ZFHX3: variants seen among roughly 807,000 people sequenced by gnomAD.
The protein encoded by ZFHX3 is zinc finger homeobox protein 3.
Under a neutral mutation model 279.1 loss-of-function variants are expected in ZFHX3, and 42 were observed. That is an observed-to-expected ratio of 0.15 (90% confidence interval 0.12 to 0.19). The LOEUF (loss-of-function observed/expected upper bound fraction) is 0.19. Among genes scored for constraint, ZFHX3 ranks in the 10% least tolerant of loss-of-function variants. The pLI, the probability that ZFHX3 is intolerant of heterozygous loss-of-function variation, is 1.00. For synonymous variants in ZFHX3, 2,293 were observed against 1,957.8 expected (o/e 1.17, Z -4.52); for missense variants, 4,981 against 4,754.0 (o/e 1.05, Z -1.40).
At chr16:72,924,500 A>G (rs894721390) in intron 3 of ZFHX3, among the ~76,000 whole-genome samples, 1 of 152,168 alleles carries the variant, frequency 6.6e-6, no homozygotes, top group Non-Finnish European at 1.5e-5. Context: ...GTTTTGACAT[A>G]AGTTGTTTCA....
intron 2 of ZFHX3, among the ~76,000 whole-genome samples, chr16:73,562,284 G>T (rs1185975153): frequency 3.3e-5 from 5 of 152,134 alleles, no homozygotes; most frequent in African/African-American, 1.2e-4. Context: ...GGCCACAGTG[G>T]TGTGTCCATC....
At chr16:73,574,031 T>C (rs553137562) in intron 2 of ZFHX3, among the ~76,000 whole-genome samples, 4 of 152,282 alleles carry the variant, frequency 2.6e-5, no homozygotes, top group Admixed American at 2.0e-4. Flanking sequence ...TTTGAAATAA[T>C]GCCAGCTTTG....
At chr16:73,366,492 G>C (rs1462064829) in intron 3 of ZFHX3, among the ~76,000 whole-genome samples, 1 of 151,860 alleles carries the variant, frequency 6.6e-6, no homozygotes, top group African/African-American at 2.4e-5. Context: ...AGTAGTTTGG[G>C]AGGCTGAGGC....
At chr16:72,843,575 A>G (rs2037402650) in intron 4 of ZFHX3, among the ~76,000 whole-genome samples, 1 of 150,746 alleles carries the variant, frequency 6.6e-6, no homozygotes, top group Non-Finnish European at 1.5e-5. Flanking sequence ...AGGGTGTCTA[A>G]AGGAGGATGA....
chr16:73,652,879 C>T (rs2052684675), intron 2 of ZFHX3, among the ~76,000 whole-genome samples: 2 of 151,802 alleles, frequency 1.3e-5, no homozygotes, highest in South Asian at 4.2e-4. Flanking sequence ...ACACTGATTG[C>T]ATTAAACACA....
Position 72,787,182 on chromosome 16 carries a change from C to T in ZFHX3, c.11094G>A (p.Thr3698=), listed in dbSNP as rs2035422077. The T allele has an allele frequency of 2.5e-6, 4 of 1,569,142 alleles. No individual in the cohort carries two copies. The highest frequency in any genetic ancestry group is 1.2e-5 in the South Asian group (1 of 84,584). ...PKDSGLTSVG[T]DTFRL is the part of the protein sequence containing the mutation. ...TCAAAGCTTACAATCTGAAGGTGTCCGTTCCTACACTGGTCAGACCACTGT... is the reference window on the plus strand; with the variant it reads ...TCAAAGCTTACAATCTGAAGGTGTCTGTTCCTACACTGGTCAGACCACTGT... The change falls in exon 10 of 10, where the codon ACG becomes ACA. Residue 3698 remains threonine (T), a synonymous_variant. Transcript: ENST00000268489.
intron 2 of ZFHX3, among the ~76,000 whole-genome samples, chr16:73,628,566 C>G (rs1253629072): frequency 1.3e-5 from 2 of 152,194 alleles, no homozygotes; most frequent in African/African-American, 4.8e-5. Context: ...CTACCACGCT[C>G]TGGGCCTGCC....
At chr16:72,914,101 T>C (rs1024353865) in intron 3 of ZFHX3, among the ~76,000 whole-genome samples, 1 of 152,202 alleles carries the variant, frequency 6.6e-6, no homozygotes, top group Non-Finnish European at 1.5e-5. Flanking sequence ...CTAGAGATCA[T>C]GCTGTCTAGA....
At chr16:73,272,206 C>T (rs2014166455) in intron 4 of ZFHX3, among the ~76,000 whole-genome samples, 1 of 152,160 alleles carries the variant, frequency 6.6e-6, no homozygotes, top group Admixed American at 6.5e-5. Flanking sequence ...ATTTTAAGTG[C>T]TCTTTCACTG....
At chr16:73,026,251 C>A (rs1032049484) in intron 1 of ZFHX3, among the ~76,000 whole-genome samples, 11 of 146,634 alleles carry the variant, frequency 7.5e-5, no homozygotes, top group Non-Finnish European at 1.6e-4. Flanking sequence ...CGCCTGTAAT[C>A]CCAGCAACTT....
intron 2 of ZFHX3, among the ~76,000 whole-genome samples, chr16:73,642,088 T>C (rs1223938067): frequency 6.6e-6 from 1 of 152,128 alleles, no homozygotes; most frequent in African/African-American, 2.4e-5. Context: ...GGGAAGGTGG[T>C]CCGTGGCCTC....
At chr16:72,826,684 A>G (rs1422944687) in intron 5 of ZFHX3, among the ~76,000 whole-genome samples, 3 of 152,158 alleles carry the variant, frequency 2.0e-5, no homozygotes, top group Non-Finnish European at 4.4e-5. Flanking sequence ...GTCGGGAAAG[A>G]ATTTTCCCTT....
At position 73,212,270 on chromosome 16, in the gene ZFHX3, ACC is replaced by A. The variant is rs529850077; in HGVS notation, c.-1104+44775_-1104+44776del. On this transcript the variant is annotated intron_variant, in intron 5 of 17. Coordinates refer to the ZFHX3 transcript ENST00000641206. Reference sequence around the variant, plus strand: ...TCTTTCTGTGCATATATATCTATACACCCTTTTTTAAATAAAAAAGAGATTAA... The same window carrying A: ...TCTTTCTGTGCATATATATCTATACACTTTTTTAAATAAAAAAGAGATTAA... Among the ~76,000 whole-genome samples, 5 of 152,144 alleles carry A rather than the reference ACC, an allele frequency of 3.3e-5. No individual in the cohort carries two copies. The South Asian group carries it at 1.0e-3, about 32-fold the overall frequency.
At position 72,798,350 on chromosome 16, in the gene ZFHX3, C is replaced by T. The variant is rs1345765508; in HGVS notation, c.4332G>A (p.Leu1444=). The change falls in exon 9 of 10, where the codon CTG becomes CTA. Residue 1444 remains leucine (L), a synonymous_variant. Transcript: ENST00000268489. ...GGTGGCTTGTCTCAAGGTGCTTCTTCAGAGCCTGGAAAGTTCGGAAACTGC... is the reference window on the plus strand; with the variant it reads ...GGTGGCTTGTCTCAAGGTGCTTCTTTAGAGCCTGGAAAGTTCGGAAACTGC... ...CQRSFRTFQA[L]KKHLETSHLE... The T allele has an allele frequency of 6.2e-7, 1 of 1,614,110 alleles. No homozygotes were observed. Among genetic ancestry groups the T allele is most frequent in the East Asian group, 2.2e-5 (1 of 44,884 alleles).
chr16:73,351,472 G>A (rs2016240747), intron 3 of ZFHX3, among the ~76,000 whole-genome samples: 1 of 152,202 alleles, frequency 6.6e-6, no homozygotes, highest in South Asian at 2.1e-4. Context: ...GGGGACAGCT[G>A]TGCAGAGGGG....
chr16:72,838,958 AC>A (rs1172558887), intron 4 of ZFHX3, among the ~76,000 whole-genome samples: 2 of 152,080 alleles, frequency 1.3e-5, no homozygotes, highest in African/African-American at 4.8e-5. Context: ...TACAAACCCA[AC>A]CCTGAAACGC....
At chr16:73,602,045 T>G (rs755179261) in intron 2 of ZFHX3, among the ~76,000 whole-genome samples, 3 of 152,108 alleles carry the variant, frequency 2.0e-5, no homozygotes, top group Non-Finnish European at 2.9e-5. Context: ...AGCAGGACGA[T>G]TGCTTGAACC....
Position 72,794,141 on chromosome 16 carries a change from A to G in ZFHX3, c.8541T>C (p.Thr2847=), listed in dbSNP as rs771896343. The change falls in exon 9 of 10, where the codon ACT becomes ACC. Residue 2847 remains threonine (T), a synonymous_variant. Coordinates refer to ENST00000268489, the MANE Select transcript of ZFHX3 (RefSeq NM_006885.4). The surrounding 1 kb of genome is among the most constrained non-coding windows in gnomAD (Gnocchi z 4.2). ...CGTTATCTGCGTTGCCCTCGTCTCCAGTTGTGGTATCTGTGATTGCTGTGT... is the reference window on the plus strand; with the variant it reads ...CGTTATCTGCGTTGCCCTCGTCTCCGGTTGTGGTATCTGTGATTGCTGTGT... The part of the protein sequence containing the change: ...SVNTAITDTT[T]GDEGNADNDS... The G allele has an allele frequency of 6.2e-7, 1 of 1,614,086 alleles. No individual in the cohort carries two copies. Among genetic ancestry groups the G allele is most frequent in the East Asian group, 2.2e-5 (1 of 44,872 alleles).
At chr16:73,290,015 CCACACACACACACA>C (rs10564390) in intron 4 of ZFHX3, among the ~76,000 whole-genome samples, 409 of 144,420 alleles carry the variant, frequency 2.8e-3, no homozygotes, top group African/African-American at 5.3e-3. Flanking sequence ...AGAGAAATAA[CCACACACACACACA>C]CACACACACA....
Sources: gnomAD v4.1 joint callset for allele counts (sites outside exome capture counted in the v4.1 genomes callset) on GRCh38, gnomAD v4.1.1 for gene constraint, Gnocchi (gnomAD v3.1) non-coding constraint, MANE v1.5 for transcripts, NCBI Gene and HGNC (gene_info 2026-07-23, HGNC 2026-07-21) for gene names.